The following SUSD3 variants were observed in gnomAD, a reference collection of about 807,000 sequenced individuals.
SUSD3 encodes the protein sushi domain-containing protein 3.
SUSD3 carries 18 observed loss-of-function variants against 20.6 expected under a neutral mutation model. That is an observed-to-expected ratio of 0.87 (90% confidence interval 0.60 to 1.30). SUSD3 has a LOEUF of 1.30. SUSD3 is among the 50% of genes most tolerant of loss of function. The probability of loss-of-function intolerance (pLI) is 0.00; values close to 1 mark genes in which losing one functional copy is unlikely to be tolerated. For missense variants in SUSD3, 306 were observed against 346.9 expected (o/e 0.88, Z 0.94); for synonymous variants, 137 against 141.5 (o/e 0.97, Z 0.23).
intron 3 of SUSD3, 63 bp downstream of exon 3, chr9:93,078,056 G>T: frequency 6.2e-7 from 1 of 1,608,700 alleles, no homozygotes. Context: ...ATGGGAGGAG[G>T]AAAGGACAGA....
chr9:93,060,927 G>C (rs76641041), intron 1 of SUSD3, among the ~76,000 whole-genome samples: 2,330 of 152,306 alleles, frequency 0.015, 52 homozygotes, highest in African/African-American at 0.053. Context: ...TTTTCCTAGA[G>C]TAGATATGAA....
At chr9:93,075,736 G>GGGGGGCCC in intron 1 of SUSD3, 48 bp from the exon 2 acceptor site, 1 of 272,216 alleles carries the variant, frequency 3.7e-6, no homozygotes, top group East Asian at 7.3e-5. Context: ...TGCCCTGCGT[G>GGGGGGCCC]CCCACCCCCC....
At chr9:93,073,425 T>C (rs1039429788) in intron 1 of SUSD3, among the ~76,000 whole-genome samples, 1 of 152,072 alleles carries the variant, frequency 6.6e-6, no homozygotes, top group African/African-American at 2.4e-5. Context: ...TATTTTTCTA[T>C]TTTTAGTAAA....
chr9:93,067,559 A>T (rs1355361290), intron 1 of SUSD3, among the ~76,000 whole-genome samples: 1 of 151,280 alleles, frequency 6.6e-6, no homozygotes, highest in Non-Finnish European at 1.5e-5. Context: ...CTGAGGTGCC[A>T]GTTTCTCCAC....
chr9:93,075,751 C>G lies in SUSD3; in HGVS notation c.89-33C>G, dbSNP rs768949349. 57 of 248,656 alleles carry G rather than the reference C, an allele frequency of 2.3e-4. 2 individuals are homozygous for G. The highest frequency in any genetic ancestry group is 2.6e-4 in the Admixed American group (5 of 19,168). 15.4% of individuals were successfully genotyped at this position (248,656 alleles called of 1,614,324 possible). ...TGCCCTGCGTGCCCACCCCCCCCCC[C>G]CCGCCATGCCTCATACCTGCCTGTC... On this transcript the variant is annotated intron_variant, in intron 1 of 4. Coordinates refer to ENST00000375472, the MANE Select transcript of SUSD3 (RefSeq NM_145006.4).
At chr9:93,078,037 C>T (rs1351806638) in intron 3 of SUSD3, 44 bp downstream of exon 3, 3 of 1,613,154 alleles carry the variant, frequency 1.9e-6, no homozygotes, top group Non-Finnish European at 2.5e-6. Context: ...GGAGGCGCCT[C>T]TTGGCACCAT....
intron 4 of SUSD3, 78 bp from the exon 5 acceptor site, chr9:93,084,459 G>A (rs1564197588): frequency 7.3e-7 from 1 of 1,369,854 alleles, no homozygotes; most frequent in Non-Finnish European, 9.8e-7. Context: ...GGAGGGCCTG[G>A]GTACCTGGGA....
chr9:93,060,750 A>G (rs2118896280), intron 1 of SUSD3, among the ~76,000 whole-genome samples: 1 of 152,202 alleles, frequency 6.6e-6, no homozygotes, highest in East Asian at 1.9e-4. Flanking sequence ...AGGTGGAAGG[A>G]TTGCTTTCGT....
At chr9:93,080,958 C>T (rs1826390406) in intron 4 of SUSD3, among the ~76,000 whole-genome samples, 1 of 152,194 alleles carries the variant, frequency 6.6e-6, no homozygotes, top group South Asian at 2.1e-4. Context: ...GAAAAGTTCA[C>T]AAATACACAA....
intron 1 of SUSD3, among the ~76,000 whole-genome samples, chr9:93,073,172 TCAC>T (rs1825978182): frequency 6.6e-6 from 1 of 151,670 alleles, no homozygotes; most frequent in Non-Finnish European, 1.5e-5. Context: ...AGGTGGCCCT[TCAC>T]CACTGCTGCC....
intron 1 of SUSD3, among the ~76,000 whole-genome samples, chr9:93,066,955 G>A (rs57974003): frequency 0.096 from 14,591 of 152,116 alleles, 886 homozygotes; most frequent in South Asian, 0.16. Flanking sequence ...TGATCTGACC[G>A]CCTTGGCCTC....
intron 2 of SUSD3, 105 bp from the exon 3 acceptor site, chr9:93,077,741 G>C: frequency 2.3e-6 from 3 of 1,286,706 alleles, no homozygotes; most frequent in Non-Finnish European, 3.3e-6. Flanking sequence ...CCCAGGCCCT[G>C]TCTACACCCA....
intron 1 of SUSD3, among the ~76,000 whole-genome samples, chr9:93,061,511 G>A (rs558456785): frequency 1.3e-4 from 20 of 152,252 alleles, no homozygotes; most frequent in Non-Finnish European, 2.2e-4. Flanking sequence ...AGGATTGTGT[G>A]CTTTCCACAT....
chr9:93,078,052 G>A (rs1826243148), intron 3 of SUSD3, 59 bp downstream of exon 3: 2 of 1,610,154 alleles, frequency 1.2e-6, no homozygotes, highest in East Asian at 2.2e-5. Flanking sequence ...CACCATGGGA[G>A]GAGGAAAGGA....
At chr9:93,063,363 C>T (rs1486549715) in intron 1 of SUSD3, among the ~76,000 whole-genome samples, 2 of 152,164 alleles carry the variant, frequency 1.3e-5, no homozygotes, top group Admixed American at 6.5e-5. Flanking sequence ...CTTCCCAGAC[C>T]CCAGGCGGGC....
At chr9:93,070,108 A>C (rs7036869) in intron 1 of SUSD3, among the ~76,000 whole-genome samples, 37,785 of 151,986 alleles carry the variant, frequency 0.25, 6,064 homozygotes, top group African/African-American at 0.46. Flanking sequence ...TCTAACTTAC[A>C]CATTTTGCTG....
intron 1 of SUSD3, among the ~76,000 whole-genome samples, chr9:93,071,628 C>T (rs997834911): frequency 2.0e-5 from 3 of 152,194 alleles, no homozygotes; most frequent in African/African-American, 7.2e-5. Flanking sequence ...CACCCAGTGA[C>T]GATACATTGC....
chr9:93,067,300 C>T (rs1825753348), intron 1 of SUSD3, among the ~76,000 whole-genome samples: 1 of 152,184 alleles, frequency 6.6e-6, no homozygotes, highest in African/African-American at 2.4e-5. Context: ...TGTGGATAAA[C>T]CACATTTTGT....
intron 1 of SUSD3, among the ~76,000 whole-genome samples, chr9:93,060,729 G>A (rs1201251718): frequency 3.3e-5 from 5 of 152,098 alleles, no homozygotes; most frequent in African/African-American, 1.2e-4. Context: ...CCAGCTATTC[G>A]GGAGGCTGAA....
Sources: allele counts gnomAD v4.1 joint callset (sites outside exome capture counted in the v4.1 genomes callset), GRCh38; gene constraint gnomAD v4.1.1; transcripts MANE v1.5; gene names NCBI Gene and HGNC (gene_info 2026-07-23, HGNC 2026-07-21).